ZNF354B: variants seen among roughly 807,000 people sequenced by gnomAD.
ZNF354B encodes the protein zinc finger protein 354B.
In ZNF354B, 10 loss-of-function variants were observed where a neutral mutation model predicts 12.9. The ratio of observed to expected loss-of-function variants is 0.77; its 90% CI spans 0.48 to 1.31. The LOEUF is 1.31. ZNF354B is among the 40% of genes most tolerant of loss of function. The pLI is 0.00. For missense variants in ZNF354B, 614 were observed against 711.7 expected (o/e 0.86, Z 1.56); for synonymous variants, 260 against 243.7 (o/e 1.07, Z -0.62).
chr5:178,862,077 T>C (rs1468939431), intron 2 of ZNF354B, among the ~76,000 whole-genome samples: 1 of 152,206 alleles, frequency 6.6e-6, no homozygotes. Flanking sequence ...CCTTTATTCA[T>C]TTTTTTATCT....
intron 2 of ZNF354B, among the ~76,000 whole-genome samples, chr5:178,862,227 A>G (rs1002166635): frequency 6.6e-6 from 1 of 152,178 alleles, no homozygotes; most frequent in Admixed American, 6.5e-5. Flanking sequence ...AGAAAAGTTA[A>G]GTAACCTGAG....
intron 2 of ZNF354B, among the ~76,000 whole-genome samples, chr5:178,863,834 T>TAGAC (rs1350138149): frequency 7.9e-5 from 12 of 152,280 alleles, no homozygotes; most frequent in Non-Finnish European, 1.5e-4. Flanking sequence ...AATGTGCATA[T>TAGAC]TTATGTCCTA....
chr5:178,871,238 C>T (rs1341263921), intron 4 of ZNF354B, among the ~76,000 whole-genome samples: 1 of 152,168 alleles, frequency 6.6e-6, no homozygotes, highest in African/African-American at 2.4e-5. Context: ...TCCACTCTGC[C>T]CTTCATTCAA....
chr5:178,879,469 T>C (rs1023274810), intron 4 of ZNF354B, among the ~76,000 whole-genome samples: 5 of 152,106 alleles, frequency 3.3e-5, no homozygotes, highest in African/African-American at 1.2e-4. Context: ...AATCAACGTT[T>C]CCTGGGTTCA....
chr5:178,863,526 AG>A (rs1193200295), intron 2 of ZNF354B, among the ~76,000 whole-genome samples: 1 of 152,252 alleles, frequency 6.6e-6, no homozygotes, highest in African/African-American at 2.4e-5. Context: ...GTCCTATAAA[AG>A]TATACAGCAT....
intron 4 of ZNF354B, among the ~76,000 whole-genome samples, chr5:178,868,754 C>G (rs1231346603): frequency 2.0e-5 from 3 of 152,028 alleles, no homozygotes; most frequent in Non-Finnish European, 4.4e-5. Context: ...GGGCAGATCA[C>G]GAGGTCAGGA....
chr5:178,870,516 A>G (rs1757545731), intron 4 of ZNF354B, among the ~76,000 whole-genome samples: 1 of 152,192 alleles, frequency 6.6e-6, no homozygotes, highest in Non-Finnish European at 1.5e-5. Flanking sequence ...CTGACCTGAA[A>G]TGATCTGTCC....
At position 178,874,558 on chromosome 5, in the gene ZNF354B, C is replaced by T. The variant is rs192942568; in HGVS notation, c.256+7487C>T. Reference sequence around the variant, plus strand: ...TGCATTTCAGTTGCATTATGAAATTCTTGTAGTATGTTTTTGAGCTCTATT... The same window carrying T: ...TGCATTTCAGTTGCATTATGAAATTTTTGTAGTATGTTTTTGAGCTCTATT... On this transcript the variant is annotated intron_variant, in intron 4 of 4. Transcript: ENST00000322434. Among the ~76,000 whole-genome samples, 22 of 152,222 alleles carry T rather than the reference C, an allele frequency of 1.4e-4. No homozygotes were observed. The East Asian group carries it at 1.9e-3, about 13-fold the overall frequency.
chr5:178,869,073 T>C (rs10479515), intron 4 of ZNF354B, among the ~76,000 whole-genome samples: 85,269 of 151,942 alleles, frequency 0.56, 24,597 homozygotes, highest in Non-Finnish European at 0.61. Context: ...GGCCTTGTCA[T>C]AGAGTTTGGT....
Position 178,883,957 on chromosome 5 carries a change from C to T in ZNF354B, c.1505C>T (p.Thr502Ile). Residue 502 changes from threonine (T) to isoleucine (I), a missense_variant, in exon 5 of 5, where the codon ACA (threonine) becomes ATA (isoleucine). By Grantham distance (89) the Thr-to-Ile change is moderately conservative (BLOSUM62 -1). Transcript: ENST00000322434. ...TATAAGTGTAACGAATGTGACAAAACATTCAGGTGTAACTCATCGCTTAGT... is the reference window on the plus strand; with the variant it reads ...TATAAGTGTAACGAATGTGACAAAATATTCAGGTGTAACTCATCGCTTAGT... ...RPYKCNECDKTFRCNSSLSNH... is the reference protein window; with the variant it reads ...RPYKCNECDKIFRCNSSLSNH... 6.2e-7 allele frequency: 1 copy of T among 1,614,138 alleles called. No homozygotes were observed. Among genetic ancestry groups the T allele is most frequent in the Non-Finnish European group, 8.5e-7 (1 of 1,180,004 alleles).
intron 4 of ZNF354B, among the ~76,000 whole-genome samples, chr5:178,876,262 G>A (rs1251726086): frequency 6.6e-6 from 1 of 152,242 alleles, no homozygotes; most frequent in African/African-American, 2.4e-5. Flanking sequence ...GAGGAGAAGT[G>A]GAAATGGGGA....
At chr5:178,874,949 A>G (rs1490095409) in intron 4 of ZNF354B, among the ~76,000 whole-genome samples, 1 of 152,154 alleles carries the variant, frequency 6.6e-6, no homozygotes, top group Non-Finnish European at 1.5e-5. Flanking sequence ...CAGGGTGTTT[A>G]TTTGTAGCTG....
chr5:178,882,016 C>A (rs779549052), intron 4 of ZNF354B, among the ~76,000 whole-genome samples: 19 of 152,044 alleles, frequency 1.2e-4, no homozygotes, highest in Non-Finnish European at 2.2e-4. Context: ...GTGTCTTTGC[C>A]TTGTTCTTCA....
intron 4 of ZNF354B, among the ~76,000 whole-genome samples, chr5:178,877,187 G>C (rs1396800691): frequency 6.6e-6 from 1 of 151,946 alleles, no homozygotes; most frequent in Non-Finnish European, 1.5e-5. Flanking sequence ...TTTTGTTTTT[G>C]AGATGGAGTC....
chr5:178,883,524 G>C lies in ZNF354B; in HGVS notation c.1072G>C (p.Glu358Gln), dbSNP rs1393226786. The C allele has an allele frequency of 6.2e-7, 1 of 1,613,964 alleles. No homozygotes were observed. Among genetic ancestry groups the C allele is most frequent in the Non-Finnish European group, 8.5e-7 (1 of 1,179,980 alleles). ...HLRKKSYLCN[E>Q]CGNTFKSSSS... ...CAGAAAGAAGTCCTACTTATGTAAT[G>C]AATGTGGCAACACCTTTAAGTCTAG... Residue 358 changes from glutamate (E) to glutamine (Q), a missense_variant, in exon 5 of 5, where the codon GAA becomes CAA. By Grantham distance (29) the Glu-to-Gln change is conservative (BLOSUM62 2). Transcript: ENST00000322434.
rs1489030748 is a variant in ZNF354B at position 178,884,187 on chromosome 5, G to T, written c.1735G>T (p.Glu579Ter). ...QRIHTGEKPY[E>*]CNACGKLFSQ... ...AATTCATACTGGAGAGAAACCCTAT[G>T]AATGTAATGCATGTGGGAAACTCTT... Residue 579 changes from glutamate (E) to a stop codon, truncating the protein, a stop_gained, in exon 5 of 5, where the codon GAA (glutamate) becomes TAA (stop). Coordinates refer to ENST00000322434, the MANE Select transcript of ZNF354B (RefSeq NM_058230.3). LOFTEE classifies it low-confidence loss of function (END_TRUNC). The T allele has an allele frequency of 6.2e-7, 1 of 1,613,996 alleles. No homozygotes were observed. Among genetic ancestry groups the T allele is most frequent in the South Asian group, 1.1e-5 (1 of 91,070 alleles).
chr5:178,861,184 C>G lies in ZNF354B; in HGVS notation c.33+104C>G, dbSNP rs537088249. 15 of 1,028,602 alleles carry G rather than the reference C, an allele frequency of 1.5e-5. No individual in the cohort carries two copies. In the African/African-American group the frequency reaches 2.1e-4, roughly 14 times the overall value. 63.7% of individuals were successfully genotyped at this position (1,028,602 alleles called of 1,614,324 possible). A position where few individuals can be genotyped will look rare whatever the true frequency, so the allele number is the denominator to read the frequency against. On this transcript the variant is annotated intron_variant, in intron 2 of 4. Transcript: ENST00000322434. Reference sequence around the variant, plus strand: ...GCCAGGATGGAGCCCAAGTCCTTTTCTCTTGGAGGAGCTGGTCCGCCCTCA... The same window carrying G: ...GCCAGGATGGAGCCCAAGTCCTTTTGTCTTGGAGGAGCTGGTCCGCCCTCA...
At chr5:178,869,956 G>C (rs1474939991) in intron 4 of ZNF354B, among the ~76,000 whole-genome samples, 2 of 152,066 alleles carry the variant, frequency 1.3e-5, no homozygotes, top group Non-Finnish European at 2.9e-5. Context: ...TTGAGAGCGT[G>C]GTTGAAGGAC....
In ZNF354B at chr5:178,883,705, G is replaced by C. The variant is rs1278070094; in HGVS notation, c.1253G>C (p.Gly418Ala). 1.9e-6 allele frequency: 3 copies of C among 1,613,972 alleles called. No individual in the cohort carries two copies. The highest frequency in any genetic ancestry group is 1.7e-5 in the Admixed American group (1 of 59,998). Reference sequence around the variant, plus strand: ...TATAGATGCAATGAATGTGGGAAAGGCTTTACTTCTATTTCACGACTTAAT... The same window carrying C: ...TATAGATGCAATGAATGTGGGAAAGCCTTTACTTCTATTTCACGACTTAAT... ...KPYRCNECGK[G>A]FTSISRLNRH... Residue 418 changes from glycine (G) to alanine (A), a missense_variant, in exon 5 of 5, where the codon GGC becomes GCC. Gly to Ala is a moderately conservative substitution (Grantham distance 60). Transcript: ENST00000322434.
Sources: gnomAD v4.1 joint callset for allele counts (sites outside exome capture counted in the v4.1 genomes callset) on GRCh38, gnomAD v4.1.1 for gene constraint, MANE v1.5 for transcripts, NCBI Gene and HGNC (gene_info 2026-07-23, HGNC 2026-07-21) for gene names.